The following FMN2 variants were observed in gnomAD, a reference collection of about 807,000 sequenced individuals.
FMN2 encodes the protein formin 2.
In FMN2, 51 loss-of-function variants were observed where a neutral mutation model predicts 142.3. The observed-to-expected ratio is 0.36, with a 90% confidence interval of 0.29 to 0.45. The LOEUF is 0.45. FMN2 is among the 20% of genes least tolerant of loss of function. FMN2 has a pLI of 1.00. For missense variants in FMN2, 1,936 were observed against 2,122.8 expected, an observed-to-expected ratio of 0.91 and a Z score of 1.73; for synonymous variants, 882 against 869.8, an observed-to-expected ratio of 1.01 and a Z score of -0.25.
At chr1:240,277,929 T>A (rs1252727953) in intron 7 of FMN2, among the ~76,000 whole-genome samples, 2 of 151,974 alleles carry the variant, frequency 1.3e-5, no homozygotes, top group Non-Finnish European at 2.9e-5. Flanking sequence ...AAATATTGAG[T>A]TCGTTAAAAA....
At chr1:240,172,201 T>TACACACACAC (rs138951858) in intron 2 of FMN2, among the ~76,000 whole-genome samples, 11,273 of 147,164 alleles carry the variant, frequency 0.077, 475 homozygotes, top group African/African-American at 0.12. Context: ...CACATACACA[T>TACACACACAC]ACACACACAC....
chr1:240,329,117 C>T lies in FMN2; in HGVS notation c.4257C>T (p.Gly1419=). The T allele has an allele frequency of 6.2e-7, 1 of 1,614,030 alleles. No individual in the cohort carries two copies. The highest frequency in any genetic ancestry group is 8.5e-7 in the Non-Finnish European group (1 of 1,179,980). The change falls in exon 9 of 18, where the codon GGC becomes GGT. Residue 1419 remains glycine, a synonymous_variant. Transcript: ENST00000319653. ...AACTCGAAAAAATAGAAAAGCATGG[C>T]CGATCTTCCAAAGACAAGGAAAATG... ...SDELEKIEKH[G]RSSKDKENAK...
At chr1:240,177,818 T>C (rs1312165041) in intron 2 of FMN2, 103 bp from the exon 3 acceptor site, 1 of 1,000,008 alleles carries the variant, frequency 1.0e-6, no homozygotes, top group Non-Finnish European at 1.4e-6. Flanking sequence ...TGTATGCATA[T>C]ATAAGTAATT....
At chr1:240,133,074 TCTC>T (rs1315131851) in intron 2 of FMN2, among the ~76,000 whole-genome samples, 2 of 152,202 alleles carry the variant, frequency 1.3e-5, no homozygotes, top group Admixed American at 1.3e-4. Context: ...GCACAGGACA[TCTC>T]CTTCTTTCCC....
intron 2 of FMN2, among the ~76,000 whole-genome samples, chr1:240,138,361 A>C (rs192667482): frequency 1.1e-4 from 17 of 152,232 alleles, no homozygotes; most frequent in African/African-American, 4.1e-4. Flanking sequence ...AGTGCCCTCA[A>C]CTATGAAGGA....
At chr1:240,380,134 G>A (rs1207444887) in intron 14 of FMN2, among the ~76,000 whole-genome samples, 1 of 152,048 alleles carries the variant, frequency 6.6e-6, no homozygotes, top group East Asian at 1.9e-4. Context: ...TAGACCAAAT[G>A]GAAAAACATT....
intron 14 of FMN2, among the ~76,000 whole-genome samples, chr1:240,386,954 C>G (rs146350799): frequency 7.9e-5 from 12 of 152,284 alleles, no homozygotes; most frequent in Non-Finnish European, 1.6e-4. Flanking sequence ...GTTCCAAGTA[C>G]AGGCTTTCTT....
At chr1:240,168,016 A>C (rs981915350) in intron 2 of FMN2, among the ~76,000 whole-genome samples, 1 of 152,148 alleles carries the variant, frequency 6.6e-6, no homozygotes, top group Non-Finnish European at 1.5e-5. Flanking sequence ...GCGCCACCGC[A>C]CTCTAGCCTG....
chr1:240,196,574 T>C (rs1665919165), intron 4 of FMN2, among the ~76,000 whole-genome samples: 2 of 152,106 alleles, frequency 1.3e-5, no homozygotes, highest in Admixed American at 6.6e-5. Context: ...TGCAATGGCA[T>C]GATCTCGGCT....
At chr1:240,114,293 T>C (rs1254328728) in intron 1 of FMN2, among the ~76,000 whole-genome samples, 1 of 152,238 alleles carries the variant, frequency 6.6e-6, no homozygotes, top group Non-Finnish European at 1.5e-5. Flanking sequence ...ACCTGGTAAC[T>C]AGTCCATCCT....
intron 7 of FMN2, among the ~76,000 whole-genome samples, chr1:240,273,040 T>G (rs947861269): frequency 4.0e-5 from 6 of 148,842 alleles, no homozygotes; most frequent in Non-Finnish European, 7.5e-5. Flanking sequence ...GTTCCCTTGC[T>G]TTAGCCACTA....
At chr1:240,419,395 C>T (rs187637557) in intron 15 of FMN2, among the ~76,000 whole-genome samples, 1 of 152,062 alleles carries the variant, frequency 6.6e-6, no homozygotes, top group Admixed American at 6.5e-5. Flanking sequence ...TTACTTTCAA[C>T]CTTTCTGTGT....
chr1:240,400,260 GA>G (rs2103109160), intron 15 of FMN2, among the ~76,000 whole-genome samples: 1 of 152,214 alleles, frequency 6.6e-6, no homozygotes, highest in South Asian at 2.1e-4. Flanking sequence ...GGCTGACGTG[GA>G]AACAATCCCC....
At chr1:240,458,692 A>G (rs1008930627) in intron 16 of FMN2, 1 of 152,234 alleles carries the variant, frequency 6.6e-6, no homozygotes, top group African/African-American at 2.4e-5. Context: ...GAAAACCGTC[A>G]AATGTAATAA....
chr1:240,428,358 A>G (rs150497705), intron 15 of FMN2, among the ~76,000 whole-genome samples: 4,924 of 151,340 alleles, frequency 0.033, 246 homozygotes, highest in African/African-American at 0.11. Flanking sequence ...CACCCTCCCA[A>G]GTAGCTGGGC....
At chr1:240,157,376 T>C (rs759443479) in intron 2 of FMN2, among the ~76,000 whole-genome samples, 4 of 152,220 alleles carry the variant, frequency 2.6e-5, no homozygotes, top group Non-Finnish European at 4.4e-5. Context: ...TTGCTATTAG[T>C]TTAACGCTTT....
intron 8 of FMN2, among the ~76,000 whole-genome samples, chr1:240,297,902 G>A (rs77817168): frequency 1.3e-4 from 20 of 152,080 alleles, no homozygotes; most frequent in African/African-American, 9.7e-5. Flanking sequence ...CACAGACTGC[G>A]GTGTTCTTGC....
chr1:240,271,490 A>T (rs2102921046), intron 7 of FMN2, among the ~76,000 whole-genome samples: 1 of 150,064 alleles, frequency 6.7e-6, no homozygotes, highest in South Asian at 2.1e-4. Context: ...CCATTTTTTT[A>T]AACCTTTTTT....
At chr1:240,149,991 TAA>T (rs1663696772) in intron 2 of FMN2, among the ~76,000 whole-genome samples, 1 of 152,188 alleles carries the variant, frequency 6.6e-6, no homozygotes, top group African/African-American at 2.4e-5. Context: ...CTGATATGTA[TAA>T]ATGCTAATGT....
Sources: gnomAD v4.1 joint callset for allele counts (sites outside exome capture counted in the v4.1 genomes callset) on GRCh38, gnomAD v4.1.1 for gene constraint, MANE v1.5 for transcripts, NCBI Gene and HGNC (gene_info 2026-07-23, HGNC 2026-07-21) for gene names.